The following ANKRD11 variants were observed in gnomAD, a reference collection of about 807,000 sequenced individuals.
The protein encoded by ANKRD11 is ankyrin repeat domain-containing protein 11.
In ANKRD11, 17 loss-of-function variants were observed where a neutral mutation model predicts 195.7. That is an observed-to-expected ratio of 0.09 (90% confidence interval 0.06 to 0.13). ANKRD11 has a LOEUF of 0.13. Ranked by LOEUF, ANKRD11 falls within the 10% of genes least tolerant of loss-of-function variation. The pLI is 1.00. For missense variants in ANKRD11, 3,735 were observed against 3,566.1 expected, an observed-to-expected ratio of 1.05 and a Z score of -1.21; for synonymous variants, 1,953 against 1,528.1, an observed-to-expected ratio of 1.28 and a Z score of -6.49.
At chr16:89,442,872 C>A (rs770530376) in intron 1 of ANKRD11, among the ~76,000 whole-genome samples, 1 of 152,244 alleles carries the variant, frequency 6.6e-6, no homozygotes, top group Non-Finnish European at 1.5e-5. Context: ...CCACCTCCCA[C>A]GGGCCCTGAC....
chr16:89,473,788 C>G (rs1285758802), intron 1 of ANKRD11, among the ~76,000 whole-genome samples: 2 of 152,198 alleles, frequency 1.3e-5, no homozygotes, highest in East Asian at 3.8e-4. Flanking sequence ...TCCATGCCTC[C>G]TTGTAGCCAC....
chr16:89,372,154 G>A (rs889961620), intron 2 of ANKRD11, among the ~76,000 whole-genome samples: 1 of 152,226 alleles, frequency 6.6e-6, no homozygotes, highest in African/African-American at 2.4e-5. Context: ...GGCCTGGGAA[G>A]AAGGACCGGC....
intron 2 of ANKRD11, among the ~76,000 whole-genome samples, chr16:89,319,076 A>T (rs918135322): frequency 4.6e-5 from 7 of 152,220 alleles, no homozygotes; most frequent in Non-Finnish European, 8.8e-5. Context: ...ATTATCTGGA[A>T]TTAACATTTT....
chr16:89,272,798 A>G (rs1384074497), intron 11 of ANKRD11: 1 of 152,148 alleles, frequency 6.6e-6, no homozygotes, highest in Non-Finnish European at 1.5e-5. Flanking sequence ...TGCTACATAC[A>G]CAACGGAGTA....
chr16:89,425,896 G>A (rs994015020), intron 1 of ANKRD11, among the ~76,000 whole-genome samples: 1 of 152,160 alleles, frequency 6.6e-6, no homozygotes, highest in Non-Finnish European at 1.5e-5. Flanking sequence ...AACGAAACAG[G>A]AAACAAAATG....
intron 2 of ANKRD11, among the ~76,000 whole-genome samples, chr16:89,397,088 G>A (rs2041471169): frequency 6.6e-6 from 1 of 152,026 alleles, no homozygotes; most frequent in South Asian, 2.1e-4. Flanking sequence ...TTGTTAATTG[G>A]AATTGGTATA....
chr16:89,357,440 T>C (rs2039535133), intron 2 of ANKRD11, among the ~76,000 whole-genome samples: 1 of 151,310 alleles, frequency 6.6e-6, no homozygotes, highest in Non-Finnish European at 1.5e-5. Context: ...ATGGTGCAAC[T>C]GCCAAAAAAA....
intron 4 of ANKRD11, among the ~76,000 whole-genome samples, chr16:89,297,154 C>T (rs560218742): frequency 2.0e-5 from 3 of 152,286 alleles, no homozygotes; most frequent in East Asian, 1.9e-4. Context: ...TGAACAAATG[C>T]CTTTTGTATC....
At chr16:89,487,463 T>A (rs1362418857) in intron 1 of ANKRD11, among the ~76,000 whole-genome samples, 1 of 152,180 alleles carries the variant, frequency 6.6e-6, no homozygotes, top group African/African-American at 2.4e-5. Context: ...AACCTTTCTA[T>A]GTCAAATCTA....
At position 89,283,385 on chromosome 16, in the gene ANKRD11, C is replaced by T. The variant is rs144771099; in HGVS notation, c.3157G>A (p.Asp1053Asn). 4 of 1,613,806 alleles carry T rather than the reference C, an allele frequency of 2.5e-6. No individual in the cohort carries two copies. The African/African-American group carries it at 5.3e-5, about 22-fold the overall frequency. The change falls in exon 9 of 13, where the codon GAT becomes AAT. Residue 1053 changes from aspartate (D) to asparagine (N), a missense_variant. Asp to Asn is a conservative substitution (Grantham distance 23). Transcript: ENST00000301030. The surrounding 1 kb of genome is among the most constrained non-coding windows in gnomAD (Gnocchi z 4.3). The stretch of plus-strand genomic sequence containing the variant: ...TCTTTTTTCTCTTTAAAACATTTAT[C>T]AAATTCTTTGTCCTTCTGACATTTT... ...LEKCQKDKEF[D>N]KCFKEKKDTK... is the part of the protein sequence containing the mutation.
chr16:89,374,414 G>A (rs548093897), intron 2 of ANKRD11, among the ~76,000 whole-genome samples: 1 of 152,202 alleles, frequency 6.6e-6, no homozygotes, highest in African/African-American at 2.4e-5. Context: ...TACATGGGCA[G>A]AGCTGAACGA....
chr16:89,345,023 C>T lies in ANKRD11; in HGVS notation c.-59-27945G>A, dbSNP rs368339244. Among the ~76,000 whole-genome samples, 8 of 152,288 alleles carry T rather than the reference C, an allele frequency of 5.3e-5. No individual in the cohort carries two copies. In the South Asian group the frequency reaches 1.2e-3, roughly 24 times the overall value. ...GCAGGCGCAGATGAGGCAGGAGGAA[C>T]GGCAAGGCCAAGCGGTGCTCCAGGG... On this transcript the variant is annotated intron_variant, in intron 2 of 12. Coordinates refer to ENST00000301030, the MANE Select transcript of ANKRD11 (RefSeq NM_013275.6).
chr16:89,281,848 T>C lies in ANKRD11; in HGVS notation c.4694A>G (p.Asp1565Gly). The C allele has an allele frequency of 6.2e-7, 1 of 1,613,990 alleles. No homozygotes were observed. Among genetic ancestry groups the C allele is most frequent in the South Asian group, 1.1e-5 (1 of 91,068 alleles). ...CAGGAGCTTCTCCCTGGGCCTGGCG[T>C]CTTTCTTGCCTGGGTCTTTGGATGG... The part of the protein sequence containing the change: ...VAPSKDPGKK[D>G]ARPREKLLGD... The change falls in exon 9 of 13, where the codon GAC becomes GGC. Residue 1565 changes from aspartate to glycine, a missense_variant. By Grantham distance (94) the Asp-to-Gly change is moderately conservative. Coordinates refer to ENST00000301030, the MANE Select transcript of ANKRD11 (RefSeq NM_013275.6). The surrounding 1 kb of genome is among the most constrained non-coding windows in gnomAD (Gnocchi z 5.5).
intron 12 of ANKRD11, among the ~76,000 whole-genome samples, chr16:89,269,257 G>C (rs2032919677): frequency 6.6e-6 from 1 of 151,358 alleles, no homozygotes; most frequent in East Asian, 2.0e-4. Context: ...TGGGGCTCAA[G>C]GGATCCTCCC....
chr16:89,375,429 C>A (rs1036645205), intron 2 of ANKRD11, among the ~76,000 whole-genome samples: 1 of 151,218 alleles, frequency 6.6e-6, no homozygotes, highest in Non-Finnish European at 1.5e-5. Flanking sequence ...CAAGCCGCTG[C>A]GCTCCCGCCC....
At chr16:89,374,983 C>G (rs1352272810) in intron 2 of ANKRD11, among the ~76,000 whole-genome samples, 1 of 152,052 alleles carries the variant, frequency 6.6e-6, no homozygotes, top group Non-Finnish European at 1.5e-5. Context: ...AGATATTAGT[C>G]TATCATTTCC....
At position 89,317,058 on chromosome 16, in the gene ANKRD11, C is replaced by A. The variant is rs371870143; in HGVS notation, c.-39G>T. 1.3e-6 allele frequency: 2 copies of A among 1,593,040 alleles called. No individual in the cohort carries two copies. Among genetic ancestry groups the A allele is most frequent in the Admixed American group, 1.7e-5 (1 of 58,298 alleles). On this transcript the variant is annotated 5_prime_UTR_variant, in exon 3 of 13. Coordinates refer to ENST00000301030, the MANE Select transcript of ANKRD11 (RefSeq NM_013275.6). ...ACCCGATCTTCATTTACACGGCCGG[C>A]GCTTCATCATCAACCGTCTGCTTCA... is the stretch of plus-strand genomic sequence containing the variant.
At chr16:89,308,428 G>A (rs1245166929) in intron 3 of ANKRD11, among the ~76,000 whole-genome samples, 2 of 152,194 alleles carry the variant, frequency 1.3e-5, no homozygotes, top group African/African-American at 2.4e-5. Flanking sequence ...CCAGGTCCAC[G>A]GTCAAGGCAA....
chr16:89,368,966 C>T (rs1396780705), intron 2 of ANKRD11, among the ~76,000 whole-genome samples: 1 of 152,090 alleles, frequency 6.6e-6, no homozygotes, highest in Non-Finnish European at 1.5e-5. Context: ...TCTTCGTGCT[C>T]GCCTGGAGGG....
Sources: allele counts gnomAD v4.1 joint callset (sites outside exome capture counted in the v4.1 genomes callset), GRCh38; gene constraint gnomAD v4.1.1; non-coding constraint Gnocchi (gnomAD v3.1); transcripts MANE v1.5; gene names NCBI Gene and HGNC (gene_info 2026-07-23, HGNC 2026-07-21).